Variants in UGT1A10 observed in about 807,000 individuals in gnomAD.
UGT1A10 encodes the protein UDP-glucuronosyltransferase 1A10.
A neutral mutation model predicts 45.8 loss-of-function variants in UGT1A10; 49 were observed. That is an observed-to-expected ratio of 1.07 (90% CI 0.85 to 1.36). The LOEUF (loss-of-function observed/expected upper bound fraction) is 1.36. Ranked by LOEUF, UGT1A10 falls within the 40% of genes most tolerant of loss-of-function variation. The pLI is 0.00. For synonymous variants in UGT1A10, 284 were observed against 249.7 expected (o/e 1.14, Z -1.29); for missense variants, 745 against 668.6 (o/e 1.11, Z -1.26).
intron 1 of UGT1A10, among the ~76,000 whole-genome samples, chr2:233,685,706 A>G (rs2074750589): frequency 6.6e-6 from 1 of 152,238 alleles, no homozygotes; most frequent in Non-Finnish European, 1.5e-5. Context: ...AATAATTTTC[A>G]ATATCTTGCT....
At chr2:233,641,926 A>C (rs1303704869) in intron 1 of UGT1A10, among the ~76,000 whole-genome samples, 1 of 152,118 alleles carries the variant, frequency 6.6e-6, no homozygotes, top group African/African-American at 2.4e-5. Flanking sequence ...TGCTGCTTTT[A>C]GAATCTTTTC....
At position 233,718,978 on chromosome 2, in the gene UGT1A10, C is replaced by G. The variant is rs200639166; in HGVS notation, c.856-48056C>G. 2.5e-6 allele frequency: 4 copies of G among 1,614,214 alleles called. No individual in the cohort carries two copies. Among genetic ancestry groups the G allele is most frequent in the Admixed American group, 3.3e-5 (2 of 60,032 alleles). The stretch of plus-strand genomic sequence containing the variant: ...CGGGAGGCCTTGCGGGAGCTCCATG[C>G]CAGAGGCCACCAGGCGGTGGTCCTC... On this transcript the variant is annotated intron_variant, in intron 1 of 4. Coordinates refer to ENST00000344644, the MANE Select transcript of UGT1A10 (RefSeq NM_019075.4).
At chr2:233,747,789 T>C in intron 1 of UGT1A10, 4 of 1,613,572 alleles carry the variant, frequency 2.5e-6, no homozygotes, top group East Asian at 2.2e-5. Context: ...TCCTTCCTCC[T>C]ATATTCCTAA....
intron 1 of UGT1A10, among the ~76,000 whole-genome samples, chr2:233,689,077 C>A (rs1395132958): frequency 5.9e-5 from 9 of 152,220 alleles, no homozygotes; most frequent in Admixed American, 6.5e-5. Flanking sequence ...CATGGCTTAA[C>A]TTAGTGGCCT....
At chr2:233,638,880 T>C (rs2073374340) in intron 1 of UGT1A10, among the ~76,000 whole-genome samples, 1 of 152,234 alleles carries the variant, frequency 6.6e-6, no homozygotes, top group Non-Finnish European at 1.5e-5. Context: ...TTTCAGCTCA[T>C]GGCAAGACCA....
chr2:233,756,338 C>G (rs1225810729), intron 1 of UGT1A10: 2 of 152,178 alleles, frequency 1.3e-5, no homozygotes, highest in Non-Finnish European at 2.9e-5. Flanking sequence ...CTAGTCATCT[C>G]TTGATTACTT....
chr2:233,760,170 G>C (rs1168690539), intron 1 of UGT1A10: 1 of 1,531,450 alleles, frequency 6.5e-7, no homozygotes, highest in Non-Finnish European at 8.8e-7. Context: ...TTTGTGGACT[G>C]ACAGCTTTTT....
At chr2:233,693,942 C>A (rs2075190046) in intron 1 of UGT1A10, 10 of 1,601,216 alleles carry the variant, frequency 6.2e-6, no homozygotes, top group Non-Finnish European at 8.5e-6. Context: ...GCTCCTTGAG[C>A]CGACTGTCCC....
At chr2:233,698,992 T>G (rs1394299071) in intron 1 of UGT1A10, among the ~76,000 whole-genome samples, 2 of 152,230 alleles carry the variant, frequency 1.3e-5, no homozygotes, top group Non-Finnish European at 2.9e-5. Context: ...AGGTGGTGAT[T>G]CCTGCTGTAA....
At chr2:233,677,156 T>G (rs1257953543) in intron 1 of UGT1A10, among the ~76,000 whole-genome samples, 1 of 152,240 alleles carries the variant, frequency 6.6e-6, no homozygotes, top group Non-Finnish European at 1.5e-5. Context: ...CTTAGCAATT[T>G]TGAGTTTTCC....
intron 1 of UGT1A10, among the ~76,000 whole-genome samples, chr2:233,711,182 A>G (rs1225168983): frequency 1.3e-5 from 2 of 151,724 alleles, no homozygotes; most frequent in East Asian, 3.9e-4. Context: ...AATATGAGCT[A>G]CTCCCTCCCC....
At chr2:233,678,575 C>T (rs2074421993) in intron 1 of UGT1A10, among the ~76,000 whole-genome samples, 1 of 152,154 alleles carries the variant, frequency 6.6e-6, no homozygotes, top group Non-Finnish European at 1.5e-5. Context: ...AATCCTTCTT[C>T]CCCATTTGCT....
At chr2:233,725,006 G>A (rs112132688) in intron 1 of UGT1A10, among the ~76,000 whole-genome samples, 45,538 of 146,588 alleles carry the variant, frequency 0.31, 9,033 homozygotes, top group South Asian at 0.46. Flanking sequence ...AGACCGGCCC[G>A]GCCAAACAGC....
chr2:233,747,715 C>A, intron 1 of UGT1A10: 2 of 1,613,182 alleles, frequency 1.2e-6, no homozygotes, highest in South Asian at 2.2e-5. Flanking sequence ...CTATCAATTC[C>A]TGCTGTGTTT....
At chr2:233,743,661 G>C in intron 1 of UGT1A10, 1 of 1,367,236 alleles carries the variant, frequency 7.3e-7, no homozygotes, top group Non-Finnish European at 9.8e-7. Flanking sequence ...TACTCGAAGG[G>C]GTCCTCGAAG....
intron 1 of UGT1A10, among the ~76,000 whole-genome samples, chr2:233,725,052 CGGCGCGCGCCTG>C (rs2077353834): frequency 6.8e-6 from 1 of 147,562 alleles, no homozygotes; most frequent in African/African-American, 2.5e-5. Flanking sequence ...TCAGGCGTGG[CGGCGCGCGCCTG>C]CAATCGCAGG....
At chr2:233,746,697 A>G (rs1693455555) in intron 1 of UGT1A10, among the ~76,000 whole-genome samples, 1 of 151,702 alleles carries the variant, frequency 6.6e-6, no homozygotes, top group African/African-American at 2.4e-5. Context: ...CATTCCATAA[A>G]TATTTGGTGG....
chr2:233,648,931 C>T lies in UGT1A10; in HGVS notation c.855+11554C>T, dbSNP rs1032399454. On this transcript the variant is annotated intron_variant, in intron 1 of 4. Coordinates refer to ENST00000344644, the MANE Select transcript of UGT1A10 (RefSeq NM_019075.4). ...CAGCCACACATCAATTTGGTTGCTG[C>T]GAATGGACTTTGTTTTGGAGTATCC... 105 of 1,402,532 alleles carry T rather than the reference C, an allele frequency of 7.5e-5. No homozygotes were observed. In the African/African-American group the frequency reaches 8.0e-4, roughly 11 times the overall value. 86.9% of individuals were successfully genotyped at this position (1,402,532 alleles called of 1,614,324 possible). A position where few individuals can be genotyped will look rare whatever the true frequency, so the allele number is the denominator to read the frequency against.
At position 233,760,649 on chromosome 2, in the gene UGT1A10, C is replaced by T; in HGVS notation, c.856-6385C>T. The T allele has an allele frequency of 6.2e-7, 1 of 1,614,206 alleles. No individual in the cohort carries two copies. The highest frequency in any genetic ancestry group is 2.2e-5 in the East Asian group (1 of 44,882). On this transcript the variant is annotated intron_variant, in intron 1 of 4. Coordinates refer to ENST00000344644, the MANE Select transcript of UGT1A10 (RefSeq NM_019075.4). ...TACAAGAAAATAAAAAAGGACTCTG[C>T]TATGCTTTTGTCTGGCTGTTCCCAC...
Sources: gnomAD v4.1 joint callset for allele counts (sites outside exome capture counted in the v4.1 genomes callset) on GRCh38, gnomAD v4.1.1 for gene constraint, MANE v1.5 for transcripts, NCBI Gene and HGNC (gene_info 2026-07-23, HGNC 2026-07-21) for gene names.